The following UNC5B variants were observed in gnomAD, a reference collection of about 807,000 sequenced individuals.
UNC5B encodes unc-5 netrin receptor B, also known as netrin receptor UNC5B.
UNC5B carries 56 observed loss-of-function variants against 103.7 expected under a neutral mutation model. That is an observed-to-expected ratio of 0.54 (90% confidence interval 0.44 to 0.67). UNC5B has a LOEUF of 0.67. Ranked by LOEUF, UNC5B falls within the 30% of genes least tolerant of loss-of-function variation. The pLI is 0.00. For missense variants in UNC5B, 1,194 were observed against 1,284.5 expected (o/e 0.93, Z 1.08); for synonymous variants, 577 against 542.0 (o/e 1.06, Z -0.90).
At chr10:71,238,499 G>A (rs1843821838) in intron 1 of UNC5B, among the ~76,000 whole-genome samples, 1 of 151,930 alleles carries the variant, frequency 6.6e-6, no homozygotes, top group Non-Finnish European at 1.5e-5. Context: ...TTTTTTTTTA[G>A]TCTCACTCTG....
Position 71,286,727 on chromosome 10 carries a change from C to T in UNC5B, c.591C>T (p.Thr197=). ...WLKNEDVIDP[T]QDTNFLLTID... is the part of the protein sequence containing the mutation. The stretch of plus-strand genomic sequence containing the variant: ...AGAATGAGGATGTCATCGACCCCAC[C>T]CAGGACACCAACTTCCTGCTCACCA... The change falls in exon 5 of 17, where the codon ACC becomes ACT. Residue 197 remains threonine (T), a synonymous_variant. Transcript: ENST00000335350. The T allele has an allele frequency of 2.5e-6, 4 of 1,614,196 alleles. No homozygotes were observed. Among genetic ancestry groups the T allele is most frequent in the South Asian group, 2.2e-5 (2 of 91,082 alleles).
intron 1 of UNC5B, among the ~76,000 whole-genome samples, chr10:71,249,344 G>A (rs556428887): frequency 9.2e-5 from 14 of 152,334 alleles, no homozygotes; most frequent in African/African-American, 3.1e-4. Context: ...ATTTGGGATT[G>A]CCAATTCCTG....
chr10:71,292,392 CA>C, intron 10 of UNC5B, 74 bp from the exon 11 acceptor site: 2 of 1,332,958 alleles, frequency 1.5e-6, no homozygotes, highest in Non-Finnish European at 2.1e-6. Flanking sequence ...CTCCCAGCCC[CA>C]AGCTGGGGCC....
chr10:71,257,418 C>T (rs1589170326), intron 1 of UNC5B, among the ~76,000 whole-genome samples: 1 of 152,378 alleles, frequency 6.6e-6, no homozygotes, highest in East Asian at 1.9e-4. Context: ...TGGCACCTCT[C>T]TTGCCCCCTT....
At chr10:71,275,632 T>A (rs1040594604) in intron 1 of UNC5B, among the ~76,000 whole-genome samples, 1 of 152,142 alleles carries the variant, frequency 6.6e-6, no homozygotes, top group Non-Finnish European at 1.5e-5. Flanking sequence ...GCTTTATAGC[T>A]CTATGCCAGT....
chr10:71,271,514 T>A (rs1564725334), intron 1 of UNC5B, among the ~76,000 whole-genome samples: 1 of 152,202 alleles, frequency 6.6e-6, no homozygotes, highest in African/African-American at 2.4e-5. Context: ...GCCCCAAGAC[T>A]GAGCCAAAGG....
intron 1 of UNC5B, among the ~76,000 whole-genome samples, chr10:71,269,082 TC>T (rs1564724351): frequency 6.6e-6 from 1 of 152,094 alleles, no homozygotes; most frequent in Non-Finnish European, 1.5e-5. Flanking sequence ...GATTCAAAAG[TC>T]CTCAGTCAAT....
At chr10:71,247,645 G>A (rs978274170) in intron 1 of UNC5B, among the ~76,000 whole-genome samples, 1 of 152,118 alleles carries the variant, frequency 6.6e-6, no homozygotes, top group African/African-American at 2.4e-5. Context: ...GCCTTCCTCA[G>A]CTGTACACCC....
intron 1 of UNC5B, among the ~76,000 whole-genome samples, chr10:71,276,235 G>A (rs117806036): frequency 0.026 from 4,000 of 152,126 alleles, 84 homozygotes; most frequent in Middle Eastern, 0.048. Flanking sequence ...TCTGTCTAGG[G>A]TTATTATGGA....
In UNC5B at chr10:71,293,425, A is replaced by G. The variant is rs1284940084; in HGVS notation, c.1793A>G (p.Gln598Arg). The G allele has an allele frequency of 6.2e-7, 1 of 1,613,706 alleles. No individual in the cohort carries two copies. The highest frequency in any genetic ancestry group is 2.2e-5 in the East Asian group (1 of 44,874). Residue 598 changes from glutamine to arginine, a missense_variant, in exon 12 of 17, where the codon CAG (glutamine) becomes CGG (arginine). Transcript: ENST00000335350. ...ESTLPLSEGT[Q>R]TVLSPSVTCG... ...TCCAGCCCGCTTTCAGAAGGGACCC[A>G]GACAGTATTGAGCCCCTCGGTGACC... is the stretch of plus-strand genomic sequence containing the variant.
In UNC5B at chr10:71,235,645, G is replaced by A. The variant is rs116915085; in HGVS notation, c.79+22581G>A. Among the ~76,000 whole-genome samples the A allele has an allele frequency of 4.0e-3, 615 of 152,274 alleles. 4 individuals are homozygous for A. Among genetic ancestry groups the A allele is most frequent in the East Asian group, 0.016 (82 of 5,184 alleles). ...GGAGGACACTTAGGGACTGGTAGGG[G>A]GGTCCTAGGGGGTTCCCGGAGCCCA... On this transcript the variant is annotated intron_variant, in intron 1 of 16. Transcript: ENST00000335350.
intron 1 of UNC5B, among the ~76,000 whole-genome samples, chr10:71,225,914 C>A (rs1025408986): frequency 2.6e-5 from 4 of 151,138 alleles, no homozygotes; most frequent in Non-Finnish European, 5.9e-5. Context: ...ACCTTGCCAG[C>A]CCCTCACACG....
intron 8 of UNC5B, among the ~76,000 whole-genome samples, chr10:71,289,857 C>A (rs1478248058): frequency 2.6e-5 from 4 of 152,216 alleles, no homozygotes; most frequent in Non-Finnish European, 5.9e-5. Flanking sequence ...ACATCCGGGG[C>A]TGGGAGCCAT....
chr10:71,292,605 G>A, intron 11 of UNC5B, 51 bp downstream of exon 11: 1 of 1,518,690 alleles, frequency 6.6e-7, no homozygotes, highest in Non-Finnish European at 9.0e-7. Flanking sequence ...ATCCCTTGCT[G>A]CCTGCCCACA....
chr10:71,296,752 G>A lies in UNC5B; in HGVS notation c.2490+10G>A. ...TACCACTCTGGCAGAGGTGAGGGAAGTCGGGGCCACATATTCCAGCTGCAC... is the reference window on the plus strand; with the variant it reads ...TACCACTCTGGCAGAGGTGAGGGAAATCGGGGCCACATATTCCAGCTGCAC... On this transcript the variant is annotated intron_variant, in intron 15 of 16. Coordinates refer to ENST00000335350, the MANE Select transcript of UNC5B (RefSeq NM_170744.5). 1.2e-6 allele frequency: 2 copies of A among 1,603,664 alleles called. No homozygotes were observed. The highest frequency in any genetic ancestry group is 1.7e-6 in the Non-Finnish European group (2 of 1,177,458).
intron 1 of UNC5B, among the ~76,000 whole-genome samples, chr10:71,275,162 A>G (rs1400923549): frequency 6.6e-6 from 1 of 152,186 alleles, no homozygotes; most frequent in Non-Finnish European, 1.5e-5. Flanking sequence ...GTCTTCTTTC[A>G]TAGCTTCTTG....
intron 1 of UNC5B, among the ~76,000 whole-genome samples, chr10:71,219,932 A>G (rs530590481): frequency 3.0e-4 from 45 of 152,232 alleles, no homozygotes; most frequent in African/African-American, 1.1e-3. Context: ...TCCTGAAGAG[A>G]GGATGGGATG....
intron 7 of UNC5B, 31 bp downstream of exon 7, chr10:71,288,763 G>T: frequency 1.9e-6 from 3 of 1,580,172 alleles, no homozygotes; most frequent in African/African-American, 2.7e-5. Flanking sequence ...GGCCCTGGGG[G>T]TGGGGACTCT....
chr10:71,293,603 C>G, intron 12 of UNC5B, 30 bp downstream of exon 12: 6 of 1,612,686 alleles, frequency 3.7e-6, no homozygotes, highest in Non-Finnish European at 5.1e-6. Context: ...GCTGGCCCAG[C>G]TCTCCCAACC....
Sources: gnomAD v4.1 joint callset for allele counts (sites outside exome capture counted in the v4.1 genomes callset) on GRCh38, gnomAD v4.1.1 for gene constraint, MANE v1.5 for transcripts, NCBI Gene and HGNC (gene_info 2026-07-23, HGNC 2026-07-21) for gene names.